Variants in RHOU observed in about 807,000 individuals in gnomAD.
The protein encoded by RHOU is ras homolog family member U.
RHOU carries 8 observed loss-of-function variants against 12.6 expected under a neutral mutation model. That is an observed-to-expected ratio of 0.64 (90% CI 0.37 to 1.15). The LOEUF is 1.15. Among genes scored for constraint, RHOU ranks in the 50% most tolerant of loss-of-function variants. The probability of loss-of-function intolerance (pLI) is 0.01; values close to 1 mark genes in which losing one functional copy is unlikely to be tolerated. For missense variants in RHOU, 258 were observed against 347.0 expected, an observed-to-expected ratio of 0.74 and a Z score of 2.04; for synonymous variants, 161 against 147.4, an observed-to-expected ratio of 1.09 and a Z score of -0.67.
the RHOU span, among the ~76,000 whole-genome samples, chr1:228,662,326 C>T: frequency 6.6e-6 from 1 of 152,228 alleles, no homozygotes; most frequent in Non-Finnish European, 1.5e-5. Context: ...GATCCCATTA[C>T]TGGGTATATA....
At chr1:228,735,287 T>A (rs1405422886), upstream of RHOU, 1 of 152,068 alleles carries the variant, frequency 6.6e-6, no homozygotes, top group East Asian at 1.9e-4. This position sits in a 1 kb window ranked among gnomAD's most constrained non-coding sequence, Gnocchi z 8.1. Flanking sequence ...CCCGCGCCAG[T>A]GTTCGCAGTC....
chr1:228,650,388 A>G, the RHOU span: 1 of 458,300 alleles, frequency 2.2e-6, no homozygotes, highest in Non-Finnish European at 4.4e-6. Flanking sequence ...ACCTCTATTC[A>G]CTGGTGTGCG....
the RHOU span, among the ~76,000 whole-genome samples, chr1:228,701,473 A>T: frequency 1.0e-3 from 157 of 152,176 alleles, 1 homozygote; most frequent in East Asian, 0.023. Flanking sequence ...GTGAACAAAA[A>T]TTTTTTATTA....
the RHOU span, among the ~76,000 whole-genome samples, chr1:228,647,552 T>C: frequency 6.6e-6 from 1 of 152,198 alleles, no homozygotes; most frequent in Non-Finnish European, 1.5e-5. Context: ...GCGTCTGTGG[T>C]ACCCGCTGCC....
the RHOU span, among the ~76,000 whole-genome samples, chr1:228,677,599 G>A: frequency 6.6e-6 from 1 of 152,138 alleles, no homozygotes; most frequent in Non-Finnish European, 1.5e-5. Context: ...GATTAGAAAC[G>A]GCTAGGAGAG....
the RHOU span, among the ~76,000 whole-genome samples, chr1:228,652,246 T>C: frequency 6.6e-6 from 1 of 152,240 alleles, no homozygotes; most frequent in Non-Finnish European, 1.5e-5. Flanking sequence ...AAAACTGTCT[T>C]CTTCAGCTTC....
the RHOU span, among the ~76,000 whole-genome samples, chr1:228,702,028 TG>T: frequency 6.6e-6 from 1 of 152,152 alleles, no homozygotes; most frequent in South Asian, 2.1e-4. Context: ...CTCAAATTTT[TG>T]TTCATTAACA....
At chr1:228,663,355 CATTT>C in the RHOU span, among the ~76,000 whole-genome samples, 1 of 152,114 alleles carries the variant, frequency 6.6e-6, no homozygotes, top group South Asian at 2.1e-4. Context: ...TATGACTTTT[CATTT>C]ATTTATTTTA....
chr1:228,702,798 T>C, the RHOU span, among the ~76,000 whole-genome samples: 3 of 152,230 alleles, frequency 2.0e-5, no homozygotes, highest in African/African-American at 7.2e-5. Context: ...CATACACATA[T>C]AGACATATAG....
chr1:228,684,902 G>A, the RHOU span, among the ~76,000 whole-genome samples: 1 of 152,178 alleles, frequency 6.6e-6, no homozygotes. Context: ...GGACGAGTTT[G>A]TAAAGTGAAA....
the RHOU span, among the ~76,000 whole-genome samples, chr1:228,663,620 CTTTTCTTTTT>C: frequency 1.2e-5 from 1 of 80,826 alleles, no homozygotes; most frequent in Non-Finnish European, 2.5e-5. Flanking sequence ...CTTTTCTTTT[CTTTTCTTTTT>C]TTTTTTTTTT....
the RHOU span, among the ~76,000 whole-genome samples, chr1:228,707,244 T>TAC: frequency 1.4e-4 from 13 of 93,516 alleles, no homozygotes; most frequent in African/African-American, 8.5e-4. Flanking sequence ...TGTATATATA[T>TAC]ATATATATAT....
the RHOU span, among the ~76,000 whole-genome samples, chr1:228,715,494 G>A: frequency 1.3e-5 from 2 of 151,986 alleles, no homozygotes; most frequent in African/African-American, 4.8e-5. Flanking sequence ...GGAATATTTG[G>A]TAATATTGGT....
At chr1:228,687,729 C>A in the RHOU span, 35 of 1,444,736 alleles carry the variant, frequency 2.4e-5, no homozygotes, top group Non-Finnish European at 3.2e-5. Context: ...ATTGGGTGAG[C>A]ACGTGACCAA....
chr1:228,655,199 A>G, the RHOU span, among the ~76,000 whole-genome samples: 1 of 150,628 alleles, frequency 6.6e-6, no homozygotes, highest in Non-Finnish European at 1.5e-5. Flanking sequence ...CCGCCTCATG[A>G]GTTCAAGCAA....
chr1:228,656,041 T>G, the RHOU span, among the ~76,000 whole-genome samples: 30 of 152,362 alleles, frequency 2.0e-4, no homozygotes, highest in East Asian at 5.4e-3. Context: ...TAGCCAATGA[T>G]AATGATTTCA....
the RHOU span, chr1:228,650,511 G>A: frequency 4.4e-6 from 2 of 456,574 alleles, no homozygotes; most frequent in African/African-American, 2.0e-5. Context: ...TGAACTAGGG[G>A]AGCTGCCACG....
the RHOU span, among the ~76,000 whole-genome samples, chr1:228,717,545 G>A: frequency 1.3e-5 from 2 of 152,216 alleles, no homozygotes; most frequent in African/African-American, 4.8e-5. Context: ...GTAGGATGGG[G>A]AGGAGAAAGC....
At chr1:228,714,735 A>AT in the RHOU span, among the ~76,000 whole-genome samples, 1 of 112,018 alleles carries the variant, frequency 8.9e-6, no homozygotes, top group Admixed American at 8.7e-5. Context: ...TATTTTGTTA[A>AT]TTATCTTTTT....
Sources: allele counts gnomAD v4.1 joint callset (sites outside exome capture counted in the v4.1 genomes callset), GRCh38; gene constraint gnomAD v4.1.1; non-coding constraint Gnocchi (gnomAD v3.1); transcripts MANE v1.5; gene names NCBI Gene and HGNC (gene_info 2026-07-23, HGNC 2026-07-21).